The following ST8SIA1 variants were observed in gnomAD, a reference collection of about 807,000 sequenced individuals.
The protein encoded by ST8SIA1 is ST8 alpha-N-acetyl-neuraminide alpha-2,8-sialyltransferase 1.
ST8SIA1 carries 16 observed loss-of-function variants against 35.9 expected under a neutral mutation model. The ratio of observed to expected loss-of-function variants is 0.45; its 90% CI spans 0.30 to 0.68. ST8SIA1 has a LOEUF of 0.68. Ranked by LOEUF, ST8SIA1 falls within the 30% of genes least tolerant of loss-of-function variation. The probability of loss-of-function intolerance (pLI) is 0.09; values close to 1 mark genes in which losing one functional copy is unlikely to be tolerated. For missense variants in ST8SIA1, 383 were observed against 453.6 expected (o/e 0.84, Z 1.41); for synonymous variants, 170 against 169.6 (o/e 1.00, Z -0.02).
chr12:22,334,017 C>G lies in ST8SIA1; in HGVS notation c.216G>C (p.Gln72His). 6.2e-7 allele frequency: 1 copy of G among 1,613,944 alleles called. No homozygotes were observed. Among genetic ancestry groups the G allele is most frequent in the Non-Finnish European group, 8.5e-7 (1 of 1,179,996 alleles). ...AGTACCTGAACGCTCTGGCCGCGGT[C>G]TGGTTCCTCCTCCACGCCGTGCCCT... ...LQQGTAWRRN[Q>H]TAARAFRKQM... The change falls in exon 1 of 5, where the codon CAG (glutamine) becomes CAC (histidine). Residue 72 changes from glutamine (Q) to histidine (H), a missense_variant. Gln to His is a conservative substitution (Grantham distance 24, BLOSUM62 0). Transcript: ENST00000396037.
rs191061464 is a variant in ST8SIA1 at position 22,281,626 on chromosome 12, G to C, written c.381+5523C>G. 1.2e-4 allele frequency among the ~76,000 whole-genome samples: 19 copies of C among 152,180 alleles called. No homozygotes were observed. The East Asian group carries it at 2.9e-3, about 23-fold the overall frequency. ...CTAGAGTATTGTATGGGAAACTATGGTGTTGTATAGGATTCCATATCCTGT... is the reference window on the plus strand; with the variant it reads ...CTAGAGTATTGTATGGGAAACTATGCTGTTGTATAGGATTCCATATCCTGT... On this transcript the variant is annotated intron_variant, in intron 2 of 4. Transcript: ENST00000396037.
chr12:22,265,918 G>T (rs1486503677), intron 2 of ST8SIA1, among the ~76,000 whole-genome samples: 2 of 151,222 alleles, frequency 1.3e-5, no homozygotes, highest in African/African-American at 4.9e-5. Context: ...GTTTTCCCTT[G>T]CCCACAGACA....
At chr12:22,228,856 C>T (rs1865385069) in intron 4 of ST8SIA1, among the ~76,000 whole-genome samples, 1 of 151,916 alleles carries the variant, frequency 6.6e-6, no homozygotes, top group African/African-American at 2.4e-5. Context: ...GAGTTCAAGA[C>T]CAGCCTGGCC....
intron 4 of ST8SIA1, among the ~76,000 whole-genome samples, chr12:22,202,758 G>T (rs1040108994): frequency 9.2e-5 from 14 of 152,278 alleles, no homozygotes; most frequent in African/African-American, 2.9e-4. Flanking sequence ...AAATAATTCT[G>T]CCTGGAAAGA....
In ST8SIA1 at chr12:22,334,182, A is replaced by T; in HGVS notation, c.51T>A (p.Ala17=). ...TCCGCGGGAACTTCCACGCCAGTAC[A>T]GCCATGGCCCCTCTGGACGTTTGTC... ...ARRQTSRGAM[A]VLAWKFPRTR... Residue 17 remains alanine, a synonymous_variant, in exon 1 of 5, where the codon GCT becomes GCA. Transcript: ENST00000396037. 6.2e-7 allele frequency: 1 copy of T among 1,613,882 alleles called. No homozygotes were observed. The highest frequency in any genetic ancestry group is 2.2e-5 in the East Asian group (1 of 44,820).
chr12:22,224,767 C>G (rs938348272), intron 4 of ST8SIA1, among the ~76,000 whole-genome samples: 1 of 152,178 alleles, frequency 6.6e-6, no homozygotes, highest in African/African-American at 2.4e-5. Flanking sequence ...TTTTTGTAGT[C>G]TGTTTCTTAC....
intron 2 of ST8SIA1, among the ~76,000 whole-genome samples, chr12:22,274,512 A>G (rs1342520583): frequency 6.6e-6 from 1 of 152,260 alleles, no homozygotes; most frequent in Non-Finnish European, 1.5e-5. Flanking sequence ...CAATTTCTTA[A>G]GAATAATATA....
rs928862076 is a variant in ST8SIA1, at chr12:22,255,265, G to C, written c.491+15C>G. On this transcript the variant is annotated intron_variant, in intron 3 of 4. Transcript: ENST00000396037. Reference sequence around the variant, plus strand: ...GAGAGAAGGCAGAGGCCGCGCTGTGGGTGCTCTCTCTTACCGCATGACAAA... The same window carrying C: ...GAGAGAAGGCAGAGGCCGCGCTGTGCGTGCTCTCTCTTACCGCATGACAAA... The C allele has an allele frequency of 6.2e-7, 1 of 1,606,682 alleles. No homozygotes were observed. The highest frequency in any genetic ancestry group is 8.5e-7 in the Non-Finnish European group (1 of 1,173,440).
intron 1 of ST8SIA1, among the ~76,000 whole-genome samples, chr12:22,300,890 G>T (rs1484863976): frequency 6.6e-6 from 1 of 151,984 alleles, no homozygotes; most frequent in South Asian, 2.1e-4. Context: ...GACGTATTTG[G>T]TATAAAAATT....
chr12:22,327,064 T>A (rs889338483), intron 1 of ST8SIA1, among the ~76,000 whole-genome samples: 3 of 152,180 alleles, frequency 2.0e-5, no homozygotes, highest in East Asian at 3.9e-4. Flanking sequence ...CCCACTATAA[T>A]TTTTCACTCG....
At chr12:22,317,858 GTA>G (rs1379065877) in intron 1 of ST8SIA1, among the ~76,000 whole-genome samples, 1 of 152,198 alleles carries the variant, frequency 6.6e-6, no homozygotes, top group African/African-American at 2.4e-5. Context: ...GCATCACCAT[GTA>G]TAACACATGT....
At chr12:22,295,576 A>G (rs1866233962) in intron 1 of ST8SIA1, among the ~76,000 whole-genome samples, 1 of 151,892 alleles carries the variant, frequency 6.6e-6, no homozygotes, top group South Asian at 2.1e-4. Context: ...CTACAAAAAA[A>G]ATTTTTAATT....
intron 4 of ST8SIA1, among the ~76,000 whole-genome samples, chr12:22,237,344 A>AC (rs1865486845): frequency 6.6e-6 from 1 of 151,938 alleles, no homozygotes; most frequent in African/African-American, 2.4e-5. Flanking sequence ...CAGTCCTCCC[A>AC]CCTCAGCCTC....
chr12:22,244,507 G>A (rs1414450068), intron 4 of ST8SIA1, among the ~76,000 whole-genome samples: 2 of 151,658 alleles, frequency 1.3e-5, no homozygotes, highest in Admixed American at 6.6e-5. Context: ...GACAGACTTC[G>A]GTTCAGTGGC....
At chr12:22,218,626 A>G (rs1025608890) in intron 4 of ST8SIA1, among the ~76,000 whole-genome samples, 21 of 150,526 alleles carry the variant, frequency 1.4e-4, no homozygotes, top group African/African-American at 4.6e-4. Flanking sequence ...TAAATAAATA[A>G]ATAAATAAAT....
intron 4 of ST8SIA1, among the ~76,000 whole-genome samples, chr12:22,237,003 C>T (rs1337496257): frequency 6.6e-6 from 1 of 152,204 alleles, no homozygotes; most frequent in Non-Finnish European, 1.5e-5. Flanking sequence ...GGAACCCACA[C>T]ACAAAATCAG....
At chr12:22,326,681 G>A (rs566678043) in intron 1 of ST8SIA1, among the ~76,000 whole-genome samples, 34 of 152,170 alleles carry the variant, frequency 2.2e-4, no homozygotes, top group Non-Finnish European at 4.1e-4. Flanking sequence ...TGGTTATGGA[G>A]TCTACATTCT....
chr12:22,223,377 A>C (rs1865321420), intron 4 of ST8SIA1: 1 of 263,244 alleles, frequency 3.8e-6, no homozygotes, highest in Non-Finnish European at 5.9e-6. Flanking sequence ...GCATGTATGG[A>C]CTGGATCACA....
At chr12:22,227,573 A>AAAAAC (rs1357921607) in intron 4 of ST8SIA1, among the ~76,000 whole-genome samples, 1 of 152,122 alleles carries the variant, frequency 6.6e-6, no homozygotes, top group Non-Finnish European at 1.5e-5. Flanking sequence ...CTCCATCTCA[A>AAAAAC]AAAACAAAAC....
Sources: allele counts gnomAD v4.1 joint callset (sites outside exome capture counted in the v4.1 genomes callset), GRCh38; gene constraint gnomAD v4.1.1; transcripts MANE v1.5; gene names NCBI Gene and HGNC (gene_info 2026-07-23, HGNC 2026-07-21).